The following SLC67A1 variants were observed in gnomAD, a reference collection of about 807,000 sequenced individuals.
SLC67A1 encodes the protein solute carrier family 67 member 1, also known as solute carrier family 67 member A1.
the SLC67A1 span, chr11:2,921,257 A>G: frequency 6.6e-6 from 1 of 151,914 alleles, no homozygotes; most frequent in Non-Finnish European, 1.5e-5. Context: ...AAGGTGTTAA[A>G]ATCCCAAAAA....
chr11:2,903,566 C>A, the SLC67A1 span: 1 of 1,532,126 alleles, frequency 6.5e-7, no homozygotes, highest in Non-Finnish European at 9.0e-7. Flanking sequence ...TCTGGGCCGT[C>A]GCAGAGAGTG....
the SLC67A1 span, chr11:2,909,183 C>A: frequency 6.7e-7 from 1 of 1,500,078 alleles, no homozygotes; most frequent in Non-Finnish European, 8.8e-7. Flanking sequence ...CCGACCCGCC[C>A]CTCGGCCCCC....
the SLC67A1 span, chr11:2,903,414 C>A: frequency 6.2e-7 from 1 of 1,613,182 alleles, no homozygotes; most frequent in Non-Finnish European, 8.5e-7. Flanking sequence ...TAGGCCGGTC[C>A]TCGGTCATCT....
At chr11:2,923,036 T>C in the SLC67A1 span, among the ~76,000 whole-genome samples, 136 of 152,268 alleles carry the variant, frequency 8.9e-4, no homozygotes, top group Non-Finnish European at 1.2e-3. This position sits in a 1 kb window ranked among gnomAD's most constrained non-coding sequence, Gnocchi z 6.5. Flanking sequence ...CCCCTAGACA[T>C]AGATTCCCCC....
chr11:2,920,357 G>C, the SLC67A1 span: 2 of 152,442 alleles, frequency 1.3e-5, no homozygotes, highest in South Asian at 4.1e-4. Flanking sequence ...AACAATCCGG[G>C]GTTGTTGCCA....
the SLC67A1 span, chr11:2,909,627 G>C: frequency 5.2e-6 from 8 of 1,533,224 alleles, no homozygotes; most frequent in Middle Eastern, 1.8e-4. Flanking sequence ...AGCGGCCCGC[G>C]GCCCTGGGCC....
At chr11:2,912,668 C>A in the SLC67A1 span, among the ~76,000 whole-genome samples, 1 of 152,220 alleles carries the variant, frequency 6.6e-6, no homozygotes, top group African/African-American at 2.4e-5. Context: ...TGGGCCCAGC[C>A]TCCAGAGCCC....
the SLC67A1 span, chr11:2,903,625 C>A: frequency 1.1e-6 from 1 of 900,062 alleles, no homozygotes; most frequent in Non-Finnish European, 1.7e-6. Flanking sequence ...GGGACTCATG[C>A]CACGCTTAAG....
At chr11:2,905,415 G>A in the SLC67A1 span, among the ~76,000 whole-genome samples, 1,070 of 152,346 alleles carry the variant, frequency 7.0e-3, 6 homozygotes, top group Non-Finnish European at 0.01. Flanking sequence ...GGACCTCAGG[G>A]AGAGGGGAGA....
the SLC67A1 span, chr11:2,899,794 G>A: frequency 3.7e-6 from 5 of 1,348,350 alleles, no homozygotes; most frequent in Admixed American, 1.4e-4. Flanking sequence ...GCTTCACCTG[G>A]AGGAAGACAG....
At chr11:2,907,087 G>T in the SLC67A1 span, among the ~76,000 whole-genome samples, 1 of 152,028 alleles carries the variant, frequency 6.6e-6, no homozygotes, top group East Asian at 1.9e-4. This position sits in a 1 kb window ranked among gnomAD's most constrained non-coding sequence, Gnocchi z 6.7. Flanking sequence ...GTCTGGGGTT[G>T]GGGATGGGGG....
chr11:2,905,154 G>A, the SLC67A1 span, among the ~76,000 whole-genome samples: 4 of 152,204 alleles, frequency 2.6e-5, no homozygotes, highest in Admixed American at 6.5e-5. Flanking sequence ...ACACAAGGCA[G>A]TTCAGCACAG....
At chr11:2,924,026 A>G in the SLC67A1 span, among the ~76,000 whole-genome samples, 2 of 152,114 alleles carry the variant, frequency 1.3e-5, no homozygotes, top group Non-Finnish European at 2.9e-5. This position sits in a 1 kb window ranked among gnomAD's most constrained non-coding sequence, Gnocchi z 8.6. Context: ...AAGTCCCTGG[A>G]GCCAGAGACC....
chr11:2,907,634 A>G, the SLC67A1 span, among the ~76,000 whole-genome samples: 1 of 152,212 alleles, frequency 6.6e-6, no homozygotes, highest in Non-Finnish European at 1.5e-5. This position sits in a 1 kb window ranked among gnomAD's most constrained non-coding sequence, Gnocchi z 6.7. Flanking sequence ...AATGAAGCCC[A>G]TAATAAGTTA....
the SLC67A1 span, chr11:2,909,568 C>T: frequency 4.1e-5 from 62 of 1,525,762 alleles, no homozygotes; most frequent in Non-Finnish European, 5.3e-5. Context: ...CTCCCCCGCC[C>T]CGTCCCCAGC....
the SLC67A1 span, among the ~76,000 whole-genome samples, chr11:2,907,740 G>A: frequency 6.6e-6 from 1 of 152,122 alleles, no homozygotes; most frequent in Admixed American, 6.5e-5. This position sits in a 1 kb window ranked among gnomAD's most constrained non-coding sequence, Gnocchi z 6.7. Flanking sequence ...CAGGATATAA[G>A]GGTGTCCCTG....
the SLC67A1 span, among the ~76,000 whole-genome samples, chr11:2,904,391 G>T: frequency 0.59 from 90,514 of 152,178 alleles, 27,142 homozygotes; most frequent in East Asian, 0.76. Context: ...ATCCCTCCCC[G>T]CCGTGCCTCA....
At chr11:2,916,945 T>G in the SLC67A1 span, 1 of 536,676 alleles carries the variant, frequency 1.9e-6, no homozygotes, top group South Asian at 2.7e-5. Context: ...GAAGTGGGGC[T>G]CCGGCAGGCA....
At chr11:2,911,546 G>A in the SLC67A1 span, among the ~76,000 whole-genome samples, 2 of 152,112 alleles carry the variant, frequency 1.3e-5, no homozygotes, top group African/African-American at 4.8e-5. Flanking sequence ...GGCCCCAGCA[G>A]GTGGCTGAGC....
Sources: gnomAD v4.1 joint callset for allele counts (sites outside exome capture counted in the v4.1 genomes callset) on GRCh38, gnomAD v4.1.1 for gene constraint, Gnocchi (gnomAD v3.1) non-coding constraint, MANE v1.5 for transcripts, NCBI Gene and HGNC (gene_info 2026-07-23, HGNC 2026-07-21) for gene names.